The following MAX variants were observed in gnomAD, a reference collection of about 807,000 sequenced individuals.
MAX encodes protein max.
Under a neutral mutation model 22.3 loss-of-function variants are expected in MAX, and 3 were observed. The observed-to-expected ratio is 0.13, with a 90% confidence interval of 0.06 to 0.35. The LOEUF (loss-of-function observed/expected upper bound fraction) is 0.35. Ranked by LOEUF, MAX falls within the 10% of genes least tolerant of loss-of-function variation. The pLI is 1.00. For synonymous variants in MAX, 72 were observed against 77.7 expected, an observed-to-expected ratio of 0.93 and a Z score of 0.39; for missense variants, 119 against 209.4, an observed-to-expected ratio of 0.57 and a Z score of 2.66.
At chr14:65,064,997 C>T (rs1295603076) in intron 3 of MAX, among the ~76,000 whole-genome samples, 2 of 152,244 alleles carry the variant, frequency 1.3e-5, no homozygotes, top group African/African-American at 4.8e-5. Flanking sequence ...TCTCTCTTTG[C>T]CCCAGTAATT....
In MAX at chr14:65,054,718, T is replaced by C; in HGVS notation, c.171+38990A>G. 1 of 1,581,964 alleles carries C rather than the reference T, an allele frequency of 6.3e-7. No homozygotes were observed. The highest frequency in any genetic ancestry group is 8.6e-7 in the Non-Finnish European group (1 of 1,162,948). ...AGACGGGTGCAGGGCTTCACACCCC[T>C]TCTCCACAGGGACCTCGCGGACAGA... On this transcript the variant is annotated intron_variant, in intron 3 of 3. Transcript: ENST00000341653. This position sits in a 1 kb window ranked among gnomAD's most constrained non-coding sequence, Gnocchi z 4.4.
chr14:65,097,557 A>AT (rs558148255), intron 2 of MAX, among the ~76,000 whole-genome samples: 54 of 152,344 alleles, frequency 3.5e-4, no homozygotes, highest in African/African-American at 1.3e-3. Flanking sequence ...TTCTCAGCAT[A>AT]TAGGGAATTA....
chr14:65,015,459 G>A, intron 3 of MAX: 1 of 377,942 alleles, frequency 2.6e-6, no homozygotes, highest in Non-Finnish European at 4.7e-6. Flanking sequence ...TCAGCTCCTG[G>A]CTAAGGCCAC....
chr14:65,063,708 G>A (rs1288749316), intron 3 of MAX, among the ~76,000 whole-genome samples: 2 of 152,134 alleles, frequency 1.3e-5, no homozygotes, highest in East Asian at 1.9e-4. Flanking sequence ...AGGACCACAG[G>A]TGCACACCAC....
rs1388060732 is a variant in MAX, at chr14:65,014,542, G to A, written c.172-8258C>T. 3.3e-5 allele frequency among the ~76,000 whole-genome samples: 5 copies of A among 152,164 alleles called. No homozygotes were observed. Among genetic ancestry groups the A allele is most frequent in the African/African-American group, 1.2e-4 (5 of 41,436 alleles). On this transcript the variant is annotated intron_variant, in intron 3 of 3. Transcript: ENST00000341653. The surrounding 1 kb of genome is among the most constrained non-coding windows in gnomAD (Gnocchi z 5.1). Reference sequence around the variant, plus strand: ...CAAGAACAGAAACCAGTTCAGGCATGGTGGCTAATGCCTGTAATCTCAGCA... The same window carrying A: ...CAAGAACAGAAACCAGTTCAGGCATAGTGGCTAATGCCTGTAATCTCAGCA...
Position 65,069,542 on chromosome 14 carries a change from G to A in MAX, c.171+24166C>T, listed in dbSNP as rs956533769. ...CCAGTAGCCAGCACAATGCTGGGCT[G>A]AGGCTACGTGCTGCTCAAATACCCG... On this transcript the variant is annotated intron_variant, in intron 3 of 3. Coordinates refer to the MAX transcript ENST00000341653. This position sits in a 1 kb window ranked among gnomAD's most constrained non-coding sequence, Gnocchi z 4.6. Among the ~76,000 whole-genome samples, 1 of 152,250 alleles carries A rather than the reference G, an allele frequency of 6.6e-6. No homozygotes were observed. Among genetic ancestry groups the A allele is most frequent in the Non-Finnish European group, 1.5e-5 (1 of 68,044 alleles).
rs141709938 is a variant in MAX, at chr14:65,028,908, CTAAGAT to C, written c.172-22630_172-22625del. Among the ~76,000 whole-genome samples the C allele has an allele frequency of 6.6e-3, 1,002 of 152,330 alleles. 10 individuals are homozygous for C. Among genetic ancestry groups the C allele is most frequent in the African/African-American group, 0.022 (923 of 41,564 alleles). On this transcript the variant is annotated intron_variant, in intron 3 of 3. Transcript: ENST00000341653. This position sits in a 1 kb window ranked among gnomAD's most constrained non-coding sequence, Gnocchi z 4.4. ...TTGAAACGCAGCTTTTAAAAACCTA[CTAAGAT>C]TATTAGGCAAAAGCAAACAAATCAT...
rs2139796716 is a variant in MAX, at chr14:65,084,005, T to C, written c.172-5969A>G. On this transcript the variant is annotated intron_variant, in intron 3 of 4. Transcript: ENST00000358664. This position sits in a 1 kb window ranked among gnomAD's most constrained non-coding sequence, Gnocchi z 4.3. Reference sequence around the variant, plus strand: ...GCCAGCAAAGGAGGCTGGAAGGTTGTAAGGCCAGAGTCAGCACAGACCCAT... The same window carrying C: ...GCCAGCAAAGGAGGCTGGAAGGTTGCAAGGCCAGAGTCAGCACAGACCCAT... The C allele has an allele frequency of 6.6e-7, 1 of 1,506,812 alleles. No individual in the cohort carries two copies. Among genetic ancestry groups the C allele is most frequent in the African/African-American group, 1.4e-5 (1 of 71,488 alleles). The allele number at this position is 1,506,812 out of a possible 1,614,324, so 93.3% of individuals were successfully genotyped here.
intron 3 of MAX, among the ~76,000 whole-genome samples, chr14:65,025,396 G>A (rs1237290458): frequency 6.6e-6 from 1 of 152,214 alleles, no homozygotes; most frequent in Non-Finnish European, 1.5e-5. Context: ...GTATGCTAGT[G>A]CAGCCAGCCT....
At chr14:65,056,492 G>A (rs899598009) in intron 3 of MAX, among the ~76,000 whole-genome samples, 2 of 152,180 alleles carry the variant, frequency 1.3e-5, no homozygotes, top group Admixed American at 6.5e-5. Context: ...AAGATGAATC[G>A]ATCCATAGTC....
chr14:65,068,517 G>A (rs2062954701), intron 3 of MAX, among the ~76,000 whole-genome samples: 2 of 152,138 alleles, frequency 1.3e-5, no homozygotes, highest in South Asian at 4.1e-4. Flanking sequence ...ATTCTACATG[G>A]GAGATGTTTA....
At chr14:65,060,469 G>T (rs1237645146) in intron 3 of MAX, among the ~76,000 whole-genome samples, 14 of 105,838 alleles carry the variant, frequency 1.3e-4, no homozygotes, top group South Asian at 6.2e-4. Flanking sequence ...GGCCGAGGCG[G>T]GCGGATCACG....
At chr14:65,006,331 TC>T in intron 3 of MAX, 1 of 1,606,890 alleles carries the variant, frequency 6.2e-7, no homozygotes, top group Non-Finnish European at 8.5e-7. Context: ...GTATAGTCTT[TC>T]CCTTAACTGC....
At position 65,093,914 on chromosome 14, in the gene MAX, T is replaced by A. The variant is rs2063585362; in HGVS notation, c.64-99A>T. On this transcript the variant is annotated intron_variant, in intron 2 of 4. Coordinates refer to ENST00000358664, the MANE Select transcript of MAX (RefSeq NM_002382.5). This position sits in a 1 kb window ranked among gnomAD's most constrained non-coding sequence, Gnocchi z 4.4. ...CTGGAAGTACACGCTGTCAGCACTGTCCCTGGCGAGTGGACTGGGAAGGAT... is the reference window on the plus strand; with the variant it reads ...CTGGAAGTACACGCTGTCAGCACTGACCCTGGCGAGTGGACTGGGAAGGAT... 5.1e-6 allele frequency: 4 copies of A among 783,508 alleles called. No homozygotes were observed. In the South Asian group the frequency reaches 5.5e-5, roughly 11 times the overall value. 48.5% of individuals were successfully genotyped at this position (783,508 alleles called of 1,614,324 possible).
chr14:65,056,311 C>T (rs2062735690), intron 3 of MAX, among the ~76,000 whole-genome samples: 1 of 152,144 alleles, frequency 6.6e-6, no homozygotes, highest in African/African-American at 2.4e-5. Context: ...CTCTGTTCTC[C>T]TGCTAGTTAT....
chr14:65,015,521 C>T (rs2061756992), intron 3 of MAX: 8 of 1,138,848 alleles, frequency 7.0e-6, no homozygotes, highest in Non-Finnish European at 1.0e-5. Context: ...GGGTGCCCTC[C>T]TCCCCCTTGC....
intron 3 of MAX, among the ~76,000 whole-genome samples, chr14:65,048,771 C>T (rs2062543194): frequency 6.6e-6 from 1 of 152,144 alleles, no homozygotes; most frequent in Non-Finnish European, 1.5e-5. Context: ...AGAAGGATCA[C>T]TTGAGTCTGG....
intron 3 of MAX, among the ~76,000 whole-genome samples, chr14:65,067,630 T>TG (rs1008602596): frequency 2.0e-5 from 3 of 151,870 alleles, no homozygotes; most frequent in African/African-American, 7.3e-5. Context: ...TTTATGTTTT[T>TG]TTTTTTTTTT....
chr14:65,049,408 TG>T (rs1176896088), intron 3 of MAX, among the ~76,000 whole-genome samples: 3 of 152,200 alleles, frequency 2.0e-5, no homozygotes, highest in African/African-American at 7.2e-5. Flanking sequence ...GAGATTAGAA[TG>T]GCGACCTATA....
Sources: allele counts gnomAD v4.1 joint callset (sites outside exome capture counted in the v4.1 genomes callset), GRCh38; gene constraint gnomAD v4.1.1; non-coding constraint Gnocchi (gnomAD v3.1); transcripts MANE v1.5; gene names NCBI Gene and HGNC (gene_info 2026-07-23, HGNC 2026-07-21).